The following AFG2A variants were observed in gnomAD, a reference collection of about 807,000 sequenced individuals.
AFG2A encodes ATPase family gene 2 protein homolog A.
chr4:123,030,715 T>TTCAAATTGAA, the AFG2A span, among the ~76,000 whole-genome samples: 1 of 152,226 alleles, frequency 6.6e-6, no homozygotes, highest in Non-Finnish European at 1.5e-5. Flanking sequence ...TGATGGGTTT[T>TTCAAATTGAA]TATTTTTCAA....
the AFG2A span, among the ~76,000 whole-genome samples, chr4:123,033,230 A>T: frequency 2.0e-5 from 3 of 152,192 alleles, no homozygotes; most frequent in South Asian, 6.2e-4. Flanking sequence ...AGGTTAAGTG[A>T]CTTTTCGAAG....
At chr4:123,003,525 A>T in the AFG2A span, among the ~76,000 whole-genome samples, 1 of 152,158 alleles carries the variant, frequency 6.6e-6, no homozygotes, top group Non-Finnish European at 1.5e-5. Context: ...CTTCTAACAG[A>T]CAGGACCCTC....
At chr4:123,138,424 A>G in the AFG2A span, among the ~76,000 whole-genome samples, 4 of 152,304 alleles carry the variant, frequency 2.6e-5, no homozygotes, top group Middle Eastern at 6.8e-3. Context: ...TTCTAATTTC[A>G]TTGTCATAAA....
chr4:123,236,440 ATC>A, the AFG2A span, among the ~76,000 whole-genome samples: 1 of 152,194 alleles, frequency 6.6e-6, no homozygotes, highest in African/African-American at 2.4e-5. Flanking sequence ...CATCTGCATT[ATC>A]TCTTTGCTGT....
the AFG2A span, among the ~76,000 whole-genome samples, chr4:123,277,436 G>A: frequency 3.9e-5 from 6 of 152,178 alleles, no homozygotes; most frequent in African/African-American, 1.4e-4. Context: ...GGGATAGTTT[G>A]ACTTTGTCTC....
chr4:123,154,343 G>A, the AFG2A span, among the ~76,000 whole-genome samples: 1 of 151,932 alleles, frequency 6.6e-6, no homozygotes, highest in African/African-American at 2.4e-5. Context: ...TGCCACAGAT[G>A]ACAAGAGAAA....
At chr4:123,111,501 T>A in the AFG2A span, among the ~76,000 whole-genome samples, 1 of 152,282 alleles carries the variant, frequency 6.6e-6, no homozygotes, top group East Asian at 1.9e-4. Flanking sequence ...TTGGAAAAAT[T>A]GAGAGATTCA....
At chr4:123,210,355 C>T in the AFG2A span, among the ~76,000 whole-genome samples, 46 of 152,280 alleles carry the variant, frequency 3.0e-4, no homozygotes, top group South Asian at 6.8e-3. Context: ...CTTTGGCCAG[C>T]ACTACCTAAT....
At chr4:123,199,209 C>T in the AFG2A span, among the ~76,000 whole-genome samples, 1 of 148,650 alleles carries the variant, frequency 6.7e-6, no homozygotes, top group East Asian at 1.9e-4. Context: ...CAGATATAGA[C>T]ATAGTCATAG....
the AFG2A span, among the ~76,000 whole-genome samples, chr4:123,231,510 C>G: frequency 1.3e-5 from 2 of 152,016 alleles, no homozygotes; most frequent in Non-Finnish European, 2.9e-5. Context: ...TTATCCAGAT[C>G]ACTCGAAGTT....
the AFG2A span, among the ~76,000 whole-genome samples, chr4:122,956,538 CATCAGTTGATAAAGTAGA>C: frequency 8.9e-5 from 4 of 44,726 alleles, no homozygotes; most frequent in African/African-American, 2.6e-4. Context: ...GTAAGGAGAG[CATCAGTTGATAAAGTAGA>C]AAATATGCAG....
chr4:123,127,776 G>A, the AFG2A span, among the ~76,000 whole-genome samples: 5 of 152,134 alleles, frequency 3.3e-5, no homozygotes, highest in East Asian at 7.7e-4. Context: ...AGAAAAATGA[G>A]TTTTTATTAG....
At chr4:123,031,433 G>A in the AFG2A span, among the ~76,000 whole-genome samples, 5 of 152,164 alleles carry the variant, frequency 3.3e-5, no homozygotes, top group Admixed American at 6.5e-5. Context: ...GATTACAGGC[G>A]TGAGTCACTG....
At chr4:123,001,124 T>C in the AFG2A span, among the ~76,000 whole-genome samples, 1 of 145,662 alleles carries the variant, frequency 6.9e-6, no homozygotes, top group Non-Finnish European at 1.5e-5. Flanking sequence ...GATGGTAGTT[T>C]GTATTTCTGT....
chr4:123,306,228 T>C, the AFG2A span, among the ~76,000 whole-genome samples: 3 of 152,190 alleles, frequency 2.0e-5, no homozygotes, highest in Non-Finnish European at 4.4e-5. Context: ...TTTTCCTACG[T>C]CCTAGGAATT....
the AFG2A span, among the ~76,000 whole-genome samples, chr4:123,297,634 G>GT: frequency 6.6e-6 from 1 of 151,950 alleles, no homozygotes; most frequent in Non-Finnish European, 1.5e-5. Flanking sequence ...CAGGAGAATG[G>GT]TGTGAACCCC....
chr4:123,214,358 G>C, the AFG2A span, among the ~76,000 whole-genome samples: 1 of 152,032 alleles, frequency 6.6e-6, no homozygotes, highest in Non-Finnish European at 1.5e-5. Flanking sequence ...TTGCTTTACT[G>C]TTAGTAGAAA....
the AFG2A span, among the ~76,000 whole-genome samples, chr4:123,287,364 G>C: frequency 6.6e-6 from 1 of 152,110 alleles, no homozygotes; most frequent in Non-Finnish European, 1.5e-5. Flanking sequence ...GAACCTACAT[G>C]AACACATGAG....
the AFG2A span, among the ~76,000 whole-genome samples, chr4:123,271,906 C>A: frequency 6.6e-6 from 1 of 150,576 alleles, no homozygotes; most frequent in Admixed American, 6.6e-5. Flanking sequence ...GTTTATAATT[C>A]ACATTTTCTC....
Sources: allele counts gnomAD v4.1 joint callset (sites outside exome capture counted in the v4.1 genomes callset), GRCh38; gene constraint gnomAD v4.1.1; transcripts MANE v1.5; gene names NCBI Gene and HGNC (gene_info 2026-07-23, HGNC 2026-07-21).